DTNB: variants seen among roughly 807,000 people sequenced by gnomAD.
DTNB encodes the protein DTN-B.
In DTNB, 63 loss-of-function variants were observed where a neutral mutation model predicts 90.7. That is an observed-to-expected ratio of 0.69 (90% CI 0.57 to 0.86). DTNB has a LOEUF of 0.86. DTNB is among the 40% of genes least tolerant of loss of function. The pLI is 0.00. For synonymous variants in DTNB, 277 were observed against 286.7 expected (o/e 0.97, Z 0.34); for missense variants, 744 against 807.1 (o/e 0.92, Z 0.95).
At chr2:25,379,004 C>T (rs1223516459) in intron 20 of DTNB, among the ~76,000 whole-genome samples, 2 of 152,190 alleles carry the variant, frequency 1.3e-5, no homozygotes, top group Non-Finnish European at 2.9e-5. Flanking sequence ...CCTGTTTCAG[C>T]CAGCAGTGTC....
intron 16 of DTNB, among the ~76,000 whole-genome samples, chr2:25,402,648 G>A (rs2044040763): frequency 6.6e-6 from 1 of 152,120 alleles, no homozygotes; most frequent in African/African-American, 2.4e-5. Flanking sequence ...CTGCAGAGGG[G>A]TGACACCTGT....
intron 10 of DTNB, among the ~76,000 whole-genome samples, chr2:25,480,359 A>G (rs938182000): frequency 3.9e-5 from 6 of 152,216 alleles, no homozygotes; most frequent in Non-Finnish European, 7.3e-5. Context: ...ATTCCACCAG[A>G]AAGAGTGGCT....
At chr2:25,663,095 T>A (rs1574203387) in intron 1 of DTNB, among the ~76,000 whole-genome samples, 1 of 150,342 alleles carries the variant, frequency 6.7e-6, no homozygotes, top group Non-Finnish European at 1.5e-5. Context: ...CCTGTGTGTG[T>A]TGTTCCCTTC....
intron 10 of DTNB, among the ~76,000 whole-genome samples, chr2:25,468,664 G>A (rs1304238556): frequency 6.6e-6 from 1 of 152,156 alleles, no homozygotes; most frequent in African/African-American, 2.4e-5. Context: ...GAAGCTGCTA[G>A]ACATGAACAC....
chr2:25,626,982 T>TC (rs1270441650), intron 4 of DTNB, among the ~76,000 whole-genome samples: 1 of 152,248 alleles, frequency 6.6e-6, no homozygotes, highest in Non-Finnish European at 1.5e-5. Context: ...CCAACTCAAT[T>TC]CTCTACGAAT....
At chr2:25,630,867 AG>A (rs67730858) in intron 3 of DTNB, among the ~76,000 whole-genome samples, 16,103 of 118,336 alleles carry the variant, frequency 0.14, 1,351 homozygotes, top group Non-Finnish European at 0.19. Flanking sequence ...AAAAAAAAAA[AG>A]GGGATGAAGT....
At chr2:25,671,832 G>T (rs1033933296) in intron 1 of DTNB, among the ~76,000 whole-genome samples, 6 of 152,142 alleles carry the variant, frequency 3.9e-5, no homozygotes, top group African/African-American at 1.2e-4. Flanking sequence ...CCAGGTTACT[G>T]AAACAGCAGC....
chr2:25,592,838 C>T (rs144655094), intron 6 of DTNB, among the ~76,000 whole-genome samples: 468 of 152,270 alleles, frequency 3.1e-3, no homozygotes, highest in African/African-American at 0.01. Context: ...AGAGGACAAA[C>T]GAAATAATCA....
In DTNB at chr2:25,576,884, C is replaced by A. The variant is rs199915937; in HGVS notation, c.830G>T (p.Gly277Val). 3.5e-5 allele frequency: 56 copies of A among 1,613,224 alleles called. No homozygotes were observed. In the Admixed American group the frequency reaches 7.2e-4, roughly 21 times the overall value. The change falls in exon 8 of 21, where the codon GGC (glycine) becomes GTC (valine). Residue 277 changes from glycine to valine, a missense_variant. Coordinates refer to ENST00000406818, the MANE Select transcript of DTNB (RefSeq NM_021907.5). Reference protein sequence around the residue: ...CQNCFWRGHAGGPHSNQHQMK... With the variant: ...CQNCFWRGHAVGPHSNQHQMK... ...CTGGTGCTGGTTGCTGTGAGGGCCG[C>A]CGGCATGGCCACGCCAAAAGCAATT... is the stretch of plus-strand genomic sequence containing the variant.
chr2:25,391,957 A>G (rs969062421), intron 16 of DTNB, among the ~76,000 whole-genome samples: 3 of 152,306 alleles, frequency 2.0e-5, no homozygotes, highest in South Asian at 4.1e-4. Context: ...AAATGCCTAC[A>G]TCAAAAAGTC....
chr2:25,581,461 C>T (rs1279156352), intron 6 of DTNB, among the ~76,000 whole-genome samples: 1 of 152,160 alleles, frequency 6.6e-6, no homozygotes, highest in African/African-American at 2.4e-5. Context: ...AGATTGGAAC[C>T]TACATGTCCA....
Position 25,576,890 on chromosome 2 carries a change from T to A in DTNB, c.824A>T (p.His275Leu). 6.2e-7 allele frequency: 1 copy of A among 1,613,358 alleles called. No individual in the cohort carries two copies. Among genetic ancestry groups the A allele is most frequent in the Non-Finnish European group, 8.5e-7 (1 of 1,179,638 alleles). ...QLCQNCFWRG[H>L]AGGPHSNQHQ... ...CTGGTTGCTGTGAGGGCCGCCGGCA[T>A]GGCCACGCCAAAAGCAATTCTGGCA... The change falls in exon 8 of 21, where the codon CAT becomes CTT. Residue 275 changes from histidine (H) to leucine (L), a missense_variant. By Grantham distance (99) the His-to-Leu change is moderately conservative. Coordinates refer to ENST00000406818, the MANE Select transcript of DTNB (RefSeq NM_021907.5).
chr2:25,534,774 A>G (rs1025761170), intron 8 of DTNB, among the ~76,000 whole-genome samples: 14 of 147,788 alleles, frequency 9.5e-5, no homozygotes, highest in African/African-American at 3.5e-4. Flanking sequence ...CTCACCTCCC[A>G]GACAGGGTGG....
intron 9 of DTNB, among the ~76,000 whole-genome samples, chr2:25,499,942 C>CAAGCA (rs2070098544): frequency 6.6e-6 from 1 of 152,292 alleles, no homozygotes; most frequent in Admixed American, 6.5e-5. Flanking sequence ...TTCACTCAGG[C>CAAGCA]TGGAGTACGC....
At chr2:25,604,276 T>C (rs1037947753) in intron 5 of DTNB, among the ~76,000 whole-genome samples, 1 of 152,004 alleles carries the variant, frequency 6.6e-6, no homozygotes, top group Non-Finnish European at 1.5e-5. Context: ...CAAACCAAGC[T>C]TCACAATCAG....
intron 16 of DTNB, among the ~76,000 whole-genome samples, chr2:25,390,895 C>CTTT (rs34194776): frequency 2.2e-5 from 3 of 135,878 alleles, no homozygotes; most frequent in Non-Finnish European, 4.8e-5. Context: ...TAGGTAATGA[C>CTTT]TTTTTTTTTT....
At chr2:25,382,519 CTTTTTTT>C (rs3041261) in intron 19 of DTNB, among the ~76,000 whole-genome samples, 8 of 72,050 alleles carry the variant, frequency 1.1e-4, no homozygotes, top group African/African-American at 2.4e-4. Flanking sequence ...AGTTCTCTGC[CTTTTTTT>C]TTTTTTTTTT....
At chr2:25,598,202 T>C (rs2065046375) in intron 5 of DTNB, among the ~76,000 whole-genome samples, 1 of 152,126 alleles carries the variant, frequency 6.6e-6, no homozygotes, top group African/African-American at 2.4e-5. Context: ...CCTTATTCCC[T>C]TCCTCCTTCT....
At chr2:25,388,490 T>C in intron 16 of DTNB, 129 bp from the exon 17 acceptor site, 4 of 1,286,220 alleles carry the variant, frequency 3.1e-6, no homozygotes, top group Non-Finnish European at 4.1e-6. Flanking sequence ...AGATCATACT[T>C]GAAAGGAAGG....
Sources: allele counts gnomAD v4.1 joint callset (sites outside exome capture counted in the v4.1 genomes callset), GRCh38; gene constraint gnomAD v4.1.1; transcripts MANE v1.5; gene names NCBI Gene and HGNC (gene_info 2026-07-23, HGNC 2026-07-21).